Variants in SDC2 observed in about 807,000 individuals in gnomAD.
SDC2 encodes syndecan 2.
A neutral mutation model predicts 22.2 loss-of-function variants in SDC2; 13 were observed. That is an observed-to-expected ratio of 0.59 (90% confidence interval 0.38 to 0.93). SDC2 has a LOEUF of 0.93. Among genes scored for constraint, SDC2 ranks in the 40% least tolerant of loss-of-function variants. The pLI, the probability that SDC2 is intolerant of heterozygous loss-of-function variation, is 0.00. For synonymous variants in SDC2, 94 were observed against 92.8 expected (o/e 1.01, Z -0.07); for missense variants, 235 against 246.8 (o/e 0.95, Z 0.32).
rs868433381 is a variant in SDC2, at chr8:96,576,513, G to A, written c.61-16967G>A. Reference sequence around the variant, plus strand: ...CGGCTCACTGCAAGCTCCGCCTCCCGGATTCATGCCATTCTCCTGCCTCAG... The same window carrying A: ...CGGCTCACTGCAAGCTCCGCCTCCCAGATTCATGCCATTCTCCTGCCTCAG... On this transcript the variant is annotated intron_variant, in intron 1 of 4. Transcript: ENST00000302190. Among the ~76,000 whole-genome samples, 65 of 89,174 alleles carry A rather than the reference G, an allele frequency of 7.3e-4. 7 individuals are homozygous for A. The highest frequency in any genetic ancestry group is 6.2e-4 in the South Asian group (1 of 1,612). 58.5% of individuals were successfully genotyped at this position (89,174 alleles called of 152,430 possible).
intron 1 of SDC2, among the ~76,000 whole-genome samples, chr8:96,498,423 C>G: frequency 6.6e-6 from 1 of 152,044 alleles, no homozygotes; most frequent in Non-Finnish European, 1.5e-5. Flanking sequence ...CTCAGCACTG[C>G]AAAGAAGTCG....
intron 1 of SDC2, among the ~76,000 whole-genome samples, chr8:96,549,930 T>C (rs1035272226): frequency 6.6e-6 from 1 of 152,200 alleles, no homozygotes; most frequent in African/African-American, 2.4e-5. Flanking sequence ...ATTTTGAACG[T>C]TGAACCTGAA....
At chr8:96,501,592 G>C (rs1383762001) in intron 1 of SDC2, among the ~76,000 whole-genome samples, 1 of 152,066 alleles carries the variant, frequency 6.6e-6, no homozygotes, top group East Asian at 1.9e-4. Flanking sequence ...GCAGACGTGA[G>C]CCACTGCAAC....
At chr8:96,546,239 AC>A (rs1030390589) in intron 1 of SDC2, among the ~76,000 whole-genome samples, 3 of 152,098 alleles carry the variant, frequency 2.0e-5, no homozygotes, top group African/African-American at 7.2e-5. Context: ...GAATCTATGA[AC>A]CCTGGATGTA....
intron 1 of SDC2, among the ~76,000 whole-genome samples, chr8:96,540,915 CT>C (rs1813838352): frequency 6.6e-6 from 1 of 152,060 alleles, no homozygotes; most frequent in South Asian, 2.1e-4. Context: ...AGAAGAGAGC[CT>C]TGGAGAAGCA....
At chr8:96,561,925 A>G (rs921833148) in intron 1 of SDC2, among the ~76,000 whole-genome samples, 2 of 152,020 alleles carry the variant, frequency 1.3e-5, no homozygotes, top group Admixed American at 1.3e-4. Context: ...TTTTCCAAAT[A>G]TTTTTTCCTA....
intron 1 of SDC2, among the ~76,000 whole-genome samples, chr8:96,584,584 G>A (rs920556913): frequency 6.6e-6 from 1 of 152,154 alleles, no homozygotes; most frequent in Middle Eastern, 3.2e-3. Context: ...CATTACTTCA[G>A]TTAGAATTTA....
chr8:96,586,321 A>C (rs1240538748), intron 1 of SDC2: 1 of 152,242 alleles, frequency 6.6e-6, no homozygotes, highest in African/African-American at 2.4e-5. Context: ...TAAAGCTTGG[A>C]TTCAGCCCCT....
At chr8:96,499,686 A>G (rs934441946) in intron 1 of SDC2, among the ~76,000 whole-genome samples, 8 of 152,164 alleles carry the variant, frequency 5.3e-5, no homozygotes, top group African/African-American at 1.4e-4. Flanking sequence ...TGTGAAGATG[A>G]AATGAAGGGA....
chr8:96,546,265 A>C (rs1259899066), intron 1 of SDC2, among the ~76,000 whole-genome samples: 2 of 152,168 alleles, frequency 1.3e-5, no homozygotes, highest in African/African-American at 4.8e-5. Context: ...AGGGCAACTC[A>C]CTTGAAACTT....
intron 2 of SDC2, among the ~76,000 whole-genome samples, chr8:96,597,957 G>A (rs1044020677): frequency 3.3e-5 from 5 of 152,152 alleles, no homozygotes; most frequent in African/African-American, 1.2e-4. Context: ...TTTATAAGTT[G>A]TCTAAGTCCA....
Position 96,493,977 on chromosome 8 carries a change from A to C in SDC2, c.-295A>C. 1 of 480,964 alleles carries C rather than the reference A, an allele frequency of 2.1e-6. No individual in the cohort carries two copies. 29.8% of individuals were successfully genotyped at this position (480,964 alleles called of 1,614,324 possible). A position where few individuals can be genotyped will look rare whatever the true frequency, so the allele number is the denominator to read the frequency against. ...CGGAGGAGCAAAACCACAGCAGAGC[A>C]AGAAGAGCTTCAGAGAGCAGCCTTC... On this transcript the variant is annotated 5_prime_UTR_variant, in exon 1 of 5. Transcript: ENST00000302190.
chr8:96,494,279 G>A lies in SDC2; in HGVS notation c.8G>A (p.Arg3His). The part of the protein sequence containing the change: MR[R>H]AWILLTLGLV... ...AGCCGGTCCCTGGGGAATATGCGGC[G>A]CGCGTGGATCCTGCTCACCTTGGGC... Residue 3 changes from arginine (R) to histidine (H), a missense_variant, in exon 1 of 5, where the codon CGC (arginine) becomes CAC (histidine). Transcript: ENST00000302190. 6.5e-7 allele frequency: 1 copy of A among 1,546,058 alleles called. No individual in the cohort carries two copies. The highest frequency in any genetic ancestry group is 1.4e-5 in the African/African-American group (1 of 73,330).
chr8:96,596,895 A>C (rs938248639), intron 2 of SDC2, among the ~76,000 whole-genome samples: 6 of 152,216 alleles, frequency 3.9e-5, no homozygotes, highest in Non-Finnish European at 8.8e-5. Context: ...GCCAAAAAGC[A>C]ACCCAGTTAA....
chr8:96,545,939 T>C (rs1418362203), intron 1 of SDC2, among the ~76,000 whole-genome samples: 1 of 152,188 alleles, frequency 6.6e-6, no homozygotes, highest in African/African-American at 2.4e-5. Flanking sequence ...GGAAATCAGG[T>C]GCAGGGATGC....
intron 1 of SDC2, among the ~76,000 whole-genome samples, chr8:96,552,619 A>G (rs960531717): frequency 6.6e-6 from 1 of 152,222 alleles, no homozygotes; most frequent in Non-Finnish European, 1.5e-5. Context: ...TTAACTTACA[A>G]GCTGTCTTCC....
chr8:96,504,245 C>A (rs1350539824), intron 1 of SDC2, among the ~76,000 whole-genome samples: 1 of 152,202 alleles, frequency 6.6e-6, no homozygotes, highest in Non-Finnish European at 1.5e-5. Context: ...CAAAAGGCCT[C>A]TGTTTACAAA....
intron 1 of SDC2, among the ~76,000 whole-genome samples, 199 bp downstream of exon 1, chr8:96,494,530 TA>T (rs1813017982): frequency 6.6e-6 from 1 of 152,156 alleles, no homozygotes; most frequent in Admixed American, 6.5e-5. Context: ...TCGCTGGCGT[TA>T]CCCCGCGGTC....
intron 1 of SDC2, among the ~76,000 whole-genome samples, chr8:96,522,577 T>C (rs2074639442): frequency 6.6e-6 from 1 of 152,226 alleles, no homozygotes; most frequent in South Asian, 2.1e-4. Flanking sequence ...TTCTCAAAGC[T>C]GTCTCTGTAC....
Sources: gnomAD v4.1 joint callset for allele counts (sites outside exome capture counted in the v4.1 genomes callset) on GRCh38, gnomAD v4.1.1 for gene constraint, MANE v1.5 for transcripts, NCBI Gene and HGNC (gene_info 2026-07-23, HGNC 2026-07-21) for gene names.